Variants in EYS observed in about 807,000 individuals in gnomAD.
The protein encoded by EYS is protein eyes shut homolog.
EYS carries 250 observed loss-of-function variants against 282.1 expected under a neutral mutation model. That is an observed-to-expected ratio of 0.89 (90% confidence interval 0.80 to 0.98). The LOEUF (loss-of-function observed/expected upper bound fraction) is 0.98. Among genes scored for constraint, EYS ranks in the 50% least tolerant of loss-of-function variants. The pLI is 0.00. For missense variants in EYS, 4,016 were observed against 3,709.0 expected, an observed-to-expected ratio of 1.08 and a Z score of -2.15; for synonymous variants, 1,355 against 1,282.9, an observed-to-expected ratio of 1.06 and a Z score of -1.20.
chr6:65,623,993 G>A (rs1237527918), intron 2 of EYS, among the ~76,000 whole-genome samples: 1 of 152,166 alleles, frequency 6.6e-6, no homozygotes, highest in East Asian at 1.9e-4. Flanking sequence ...CTACAGGTAA[G>A]TATATGATAG....
At chr6:65,026,680 G>A (rs1419248618) in intron 13 of EYS, among the ~76,000 whole-genome samples, 1 of 152,120 alleles carries the variant, frequency 6.6e-6, no homozygotes. Flanking sequence ...CACTTTGGGA[G>A]GCCGAGACAG....
At chr6:65,237,391 A>G (rs137918746) in intron 12 of EYS, among the ~76,000 whole-genome samples, 199 of 152,312 alleles carry the variant, frequency 1.3e-3, no homozygotes, top group African/African-American at 4.4e-3. Flanking sequence ...CTTGAATAGT[A>G]TAGGTTTGTA....
chr6:65,500,920 G>A (rs756989465), intron 2 of EYS, among the ~76,000 whole-genome samples: 38 of 151,682 alleles, frequency 2.5e-4, no homozygotes, highest in Non-Finnish European at 3.1e-4. Flanking sequence ...GCTTGGGGGT[G>A]GGGGAAAGTC....
intron 12 of EYS, among the ~76,000 whole-genome samples, chr6:65,161,716 C>T (rs891996329): frequency 6.6e-6 from 1 of 151,024 alleles, no homozygotes; most frequent in Admixed American, 6.6e-5. Context: ...TTTACAAATA[C>T]AGAACTATAT....
At chr6:64,282,316 T>C (rs1448013075) in intron 30 of EYS, among the ~76,000 whole-genome samples, 1 of 152,178 alleles carries the variant, frequency 6.6e-6, no homozygotes, top group African/African-American at 2.4e-5. Context: ...CAATAAGTTC[T>C]CTTTTCTTTG....
chr6:63,838,895 T>C (rs187321878), intron 36 of EYS, among the ~76,000 whole-genome samples: 13 of 152,320 alleles, frequency 8.5e-5, no homozygotes, highest in Admixed American at 7.9e-4. Context: ...ATACTATTTA[T>C]ACGCTGACAA....
intron 13 of EYS, among the ~76,000 whole-genome samples, chr6:65,042,304 G>A (rs971824256): frequency 1.3e-5 from 2 of 151,282 alleles, no homozygotes; most frequent in African/African-American, 4.8e-5. Flanking sequence ...TTTTTATCCA[G>A]ATGAATAATC....
chr6:65,015,998 T>C (rs1772035019), intron 13 of EYS, among the ~76,000 whole-genome samples: 2 of 149,948 alleles, frequency 1.3e-5, no homozygotes, highest in African/African-American at 2.5e-5. Flanking sequence ...GGAGCTGAGA[T>C]TGTGCCACTG....
At chr6:63,952,380 G>C (rs1765633811) in intron 35 of EYS, among the ~76,000 whole-genome samples, 1 of 152,222 alleles carries the variant, frequency 6.6e-6, no homozygotes. Context: ...TGCCTCAGAA[G>C]CCTCCTGGAC....
At chr6:65,703,447 A>G (rs76178674) in intron 1 of EYS, among the ~76,000 whole-genome samples, 7,743 of 152,164 alleles carry the variant, frequency 0.051, 436 homozygotes, top group East Asian at 0.19. Flanking sequence ...AATACATTGA[A>G]TAAACCACTT....
chr6:65,197,050 T>C (rs1765784297), intron 12 of EYS, among the ~76,000 whole-genome samples: 1 of 152,084 alleles, frequency 6.6e-6, no homozygotes, highest in Non-Finnish European at 1.5e-5. Flanking sequence ...AACAAGGCTT[T>C]TCCAAAGGTC....
chr6:65,590,036 A>G (rs1421944356), intron 2 of EYS, among the ~76,000 whole-genome samples: 1 of 152,094 alleles, frequency 6.6e-6, no homozygotes, highest in Non-Finnish European at 1.5e-5. Flanking sequence ...AGCATATAAG[A>G]AAGAAAGAAA....
At chr6:64,983,656 T>C (rs143652410) in intron 14 of EYS, among the ~76,000 whole-genome samples, 17 of 151,562 alleles carry the variant, frequency 1.1e-4, no homozygotes, top group African/African-American at 4.1e-4. Flanking sequence ...TATGTGTTAA[T>C]GGGGTTACTA....
chr6:65,365,042 A>C (rs1764863176), intron 8 of EYS, among the ~76,000 whole-genome samples: 1 of 151,630 alleles, frequency 6.6e-6, no homozygotes, highest in Non-Finnish European at 1.5e-5. Flanking sequence ...AGATTGCTTA[A>C]AAAAGTCATC....
chr6:65,372,079 A>C (rs1048891665), intron 8 of EYS, among the ~76,000 whole-genome samples: 5 of 151,764 alleles, frequency 3.3e-5, no homozygotes, highest in African/African-American at 1.2e-4. Context: ...AAAGTAGATT[A>C]GTTTTAAATT....
chr6:64,191,557 C>A (rs1006778322), intron 31 of EYS, among the ~76,000 whole-genome samples: 8 of 151,456 alleles, frequency 5.3e-5, no homozygotes, highest in African/African-American at 1.9e-4. Context: ...CAATTCCCAC[C>A]TATGGGTGAG....
At chr6:63,846,204 TAAGA>T (rs780271934) in intron 36 of EYS, among the ~76,000 whole-genome samples, 1 of 152,148 alleles carries the variant, frequency 6.6e-6, no homozygotes, top group Non-Finnish European at 1.5e-5. Context: ...TCTCCATAGT[TAAGA>T]AAGAAACAAC....
chr6:65,618,444 TG>T (rs1391752461), intron 2 of EYS, among the ~76,000 whole-genome samples: 1 of 152,266 alleles, frequency 6.6e-6, no homozygotes, highest in African/African-American at 2.4e-5. Flanking sequence ...TTGTAGATTC[TG>T]GATATTAGCC....
chr6:65,468,668 A>C (rs1765096228), intron 5 of EYS, among the ~76,000 whole-genome samples: 1 of 151,226 alleles, frequency 6.6e-6, no homozygotes, highest in South Asian at 2.1e-4. Flanking sequence ...TATTAAGGAA[A>C]TCACAAATAA....
Sources: allele counts gnomAD v4.1 joint callset (sites outside exome capture counted in the v4.1 genomes callset), GRCh38; gene constraint gnomAD v4.1.1; transcripts MANE v1.5; gene names NCBI Gene and HGNC (gene_info 2026-07-23, HGNC 2026-07-21).